Variants in ZBTB40 observed in about 807,000 individuals in gnomAD.
ZBTB40 encodes zinc finger and BTB domain containing 40.
In ZBTB40, 60 loss-of-function variants were observed where a neutral mutation model predicts 117.5. That is an observed-to-expected ratio of 0.51 (90% CI 0.41 to 0.63). ZBTB40 has a LOEUF of 0.63. ZBTB40 is among the 30% of genes least tolerant of loss of function. The pLI, the probability that ZBTB40 is intolerant of heterozygous loss-of-function variation, is 0.00. For synonymous variants in ZBTB40, 525 were observed against 577.1 expected (o/e 0.91, Z 1.29); for missense variants, 1,287 against 1,498.5 (o/e 0.86, Z 2.33).
chr1:22,440,259 T>A (rs76391726), intron 1 of ZBTB40, among the ~76,000 whole-genome samples: 1,683 of 152,338 alleles, frequency 0.011, 54 homozygotes, highest in Admixed American at 0.061. Context: ...GATTATATCA[T>A]CTGCAAATAG....
intron 13 of ZBTB40, among the ~76,000 whole-genome samples, chr1:22,518,957 A>C (rs1267232976): frequency 2.6e-5 from 4 of 152,204 alleles, no homozygotes; most frequent in African/African-American, 9.7e-5. Flanking sequence ...GCCATACCCT[A>C]AACTATATCA....
chr1:22,521,720 C>G, intron 15 of ZBTB40, 62 bp downstream of exon 15: 2 of 1,606,398 alleles, frequency 1.2e-6, no homozygotes, highest in Non-Finnish European at 1.7e-6. Context: ...CTCCTGGGCC[C>G]CACCAGAAAT....
upstream of ZBTB40, among the ~76,000 whole-genome samples, chr1:22,449,179 G>T (rs1640826543): frequency 1.3e-5 from 2 of 152,132 alleles, no homozygotes. Context: ...GCATATAGTA[G>T]TCACTCTGGA....
intron 1 of ZBTB40, among the ~76,000 whole-genome samples, chr1:22,480,158 G>A (rs962319624): frequency 3.3e-5 from 5 of 152,044 alleles, no homozygotes; most frequent in Admixed American, 2.6e-4. Context: ...CACCTGCCTC[G>A]GCCTCCCAAA....
intron 16 of ZBTB40, 44 bp from the exon 17 acceptor site, chr1:22,524,174 G>T: frequency 6.3e-7 from 1 of 1,588,932 alleles, no homozygotes; most frequent in Non-Finnish European, 8.6e-7. Flanking sequence ...TTTACCCAGA[G>T]AATTTTACCC....
intron 1 of ZBTB40, 111 bp downstream of exon 1, chr1:22,452,115 G>A (rs1038017982): frequency 1.3e-5 from 2 of 152,400 alleles, no homozygotes; most frequent in Admixed American, 6.5e-5. Context: ...GGCGAACTCC[G>A]CGGGACTCGG....
At chr1:22,446,235 AAT>A (rs1268503266) in intron 1 of ZBTB40, among the ~76,000 whole-genome samples, 1 of 39,990 alleles carries the variant, frequency 2.5e-5, no homozygotes, top group African/African-American at 9.9e-5. Context: ...AAAAAAAAAA[AAT>A]GAGAAAAAAA....
intron 8 of ZBTB40, 147 bp from the exon 9 acceptor site, chr1:22,508,951 AGT>A (rs1468822819): frequency 1.6e-6 from 2 of 1,217,038 alleles, no homozygotes; most frequent in African/African-American, 3.0e-5. Flanking sequence ...CTCTGATTAC[AGT>A]GCTATTTGCC....
chr1:22,490,529 A>G lies in ZBTB40; in HGVS notation c.581A>G (p.Gln194Arg). The G allele has an allele frequency of 6.2e-7, 1 of 1,611,140 alleles. No homozygotes were observed. The highest frequency in any genetic ancestry group is 8.5e-7 in the Non-Finnish European group (1 of 1,178,458). The part of the protein sequence containing the change: ...QEMSVNSPTA[Q>R]ESQRNAETPA... ...ATGAGTGTGAATTCTCCCACAGCCC[A>G]GGAGAGCCAGAGGAATGCAGAAACC... Residue 194 changes from glutamine (Q) to arginine (R), a missense_variant, in exon 2 of 18, where the codon CAG becomes CGG. Gln to Arg is a conservative substitution (Grantham distance 43, BLOSUM62 1). Around this residue, in one of 2 missense-constraint regions of ZBTB40, gnomAD observed 870 missense variants for 934.4 expected, o/e 0.93. Coordinates refer to ENST00000375647, the MANE Select transcript of ZBTB40 (RefSeq NM_014870.4).
chr1:22,501,427 A>G, intron 3 of ZBTB40, 65 bp from the exon 4 acceptor site: 2 of 1,586,230 alleles, frequency 1.3e-6, no homozygotes, highest in Non-Finnish European at 8.7e-7. Context: ...TTGTTTGCCA[A>G]ATGCAAGGAG....
chr1:22,518,175 T>A lies in ZBTB40; in HGVS notation c.2833+711T>A, dbSNP rs550724306. ...TCAGCCTCTCTTGTTGCAGCAGGAG[T>A]GTAATCAGCACAGCACAGCACAGCA... On this transcript the variant is annotated intron_variant, in intron 13 of 17. Coordinates refer to ENST00000375647, the MANE Select transcript of ZBTB40 (RefSeq NM_014870.4). Among the ~76,000 whole-genome samples the A allele has an allele frequency of 1.1e-4, 17 of 152,084 alleles. No individual in the cohort carries two copies. The South Asian group carries it at 3.3e-3, about 30-fold the overall frequency.
In ZBTB40 at chr1:22,495,125, G is replaced by A. The variant is rs866629656; in HGVS notation, c.831+3592G>A. 3.3e-5 allele frequency among the ~76,000 whole-genome samples: 5 copies of A among 152,304 alleles called. No homozygotes were observed. The Middle Eastern group carries it at 0.01, about 311-fold the overall frequency. On this transcript the variant is annotated intron_variant, in intron 3 of 17. Transcript: ENST00000375647. ...TGTGTCATTCCGTTTCTGAAACACAGCTGTGAGGTGTGCACCTGGGCAGGA... is the reference window on the plus strand; with the variant it reads ...TGTGTCATTCCGTTTCTGAAACACAACTGTGAGGTGTGCACCTGGGCAGGA...
At position 22,526,860 on chromosome 1, in the gene ZBTB40, G is replaced by A; in HGVS notation, c.*464G>A. 3.6e-6 allele frequency: 1 copy of A among 278,324 alleles called. No homozygotes were observed. Among genetic ancestry groups the A allele is most frequent in the Non-Finnish European group, 7.1e-6 (1 of 141,542 alleles). 17.2% of individuals were successfully genotyped at this position (278,324 alleles called of 1,614,324 possible). On this transcript the variant is annotated 3_prime_UTR_variant, in exon 18 of 18. Transcript: ENST00000375647. The stretch of plus-strand genomic sequence containing the variant: ...CCTCTGGCCATTTAAAGTGAGAGGG[G>A]CACCAACAGACAATTCGGGGACCTT...
intron 1 of ZBTB40, among the ~76,000 whole-genome samples, chr1:22,473,773 A>G (rs1641472232): frequency 6.6e-6 from 1 of 152,152 alleles, no homozygotes; most frequent in Admixed American, 6.5e-5. Context: ...CTTAGAAGGG[A>G]GAAATTATCT....
At chr1:22,434,365 G>A (rs1457330975) in intron 1 of ZBTB40, among the ~76,000 whole-genome samples, 1 of 152,090 alleles carries the variant, frequency 6.6e-6, no homozygotes, top group African/African-American at 2.4e-5. Flanking sequence ...TCCTTTGTCT[G>A]TAATATGAGT....
chr1:22,492,213 C>T lies in ZBTB40; in HGVS notation c.831+680C>T, dbSNP rs575208769. On this transcript the variant is annotated intron_variant, in intron 3 of 17. Transcript: ENST00000375647. ...AAACCTCAGCATTCTAACTTTAGAG[C>T]TGCTCCCTTACACACTGAGTTTATA... is the stretch of plus-strand genomic sequence containing the variant. Among the ~76,000 whole-genome samples, 43 of 152,336 alleles carry T rather than the reference C, an allele frequency of 2.8e-4. 2 individuals carry two copies. In the East Asian group the frequency reaches 6.9e-3, roughly 25 times the overall value.
At chr1:22,518,499 ACT>A (rs1639434776) in intron 13 of ZBTB40, among the ~76,000 whole-genome samples, 1 of 152,056 alleles carries the variant, frequency 6.6e-6, no homozygotes, top group African/African-American at 2.4e-5. Context: ...CACCATCAAA[ACT>A]TGTCTTTTTT....
At position 22,468,024 on chromosome 1, in the gene ZBTB40, G is replaced by A. The variant is rs1474361212; in HGVS notation, c.-70+16020G>A. On this transcript the variant is annotated intron_variant, in intron 1 of 17. Transcript: ENST00000375647. The stretch of plus-strand genomic sequence containing the variant: ...GGATTGCTTCAGCCCAGGTGGTCAA[G>A]GCTGCAGTGAGCCAAGGTCGCACCA... Among the ~76,000 whole-genome samples, 8 of 151,496 alleles carry A rather than the reference G, an allele frequency of 5.3e-5. No individual in the cohort carries two copies. The East Asian group carries it at 1.6e-3, about 29-fold the overall frequency.
At chr1:22,445,868 A>C (rs920196745) in intron 1 of ZBTB40, among the ~76,000 whole-genome samples, 3 of 151,976 alleles carry the variant, frequency 2.0e-5, no homozygotes, top group African/African-American at 4.8e-5. Context: ...AAAAAAAAAA[A>C]AACAAAAAAC....
Sources: gnomAD v4.1 joint callset for allele counts (sites outside exome capture counted in the v4.1 genomes callset) on GRCh38, gnomAD v4.1.1 for gene constraint, gnomAD v4.1.1 regional missense constraint, MANE v1.5 for transcripts, NCBI Gene and HGNC (gene_info 2026-07-23, HGNC 2026-07-21) for gene names.